MAGEC3: variants seen among roughly 807,000 people sequenced by gnomAD.
The protein encoded by MAGEC3 is MAGE family member C3, also known as melanoma-associated antigen C3.
A neutral mutation model predicts 35.3 loss-of-function variants in MAGEC3; 34 were observed. The observed-to-expected ratio is 0.96, with a 90% CI of 0.73 to 1.28. The LOEUF (loss-of-function observed/expected upper bound fraction) is 1.28. Ranked by LOEUF, MAGEC3 falls within the 50% of genes most tolerant of loss-of-function variation. The pLI is 0.00. For synonymous variants in MAGEC3, 202 were observed against 185.6 expected, an observed-to-expected ratio of 1.09 and a Z score of -0.72; for missense variants, 561 against 483.6, an observed-to-expected ratio of 1.16 and a Z score of -1.50.
rs1343733654 is a variant in MAGEC3 at position 141,881,399 on chromosome X, A to C, written c.516-4A>C. On this transcript the variant is annotated splice_polypyrimidine_tract_variant and splice_region_variant and intron_variant, in intron 3 of 7. Transcript: ENST00000298296. ...TAAGATGAAGATACAAGTACCTGGC[A>C]CAGCTTGCCAGAGAGCGAGCCCTTG... The C allele has an allele frequency of 1.1e-5, 13 of 1,188,382 alleles. No individual in the cohort carries two copies. Among genetic ancestry groups the C allele is most frequent in the African/African-American group, 1.8e-5 (1 of 56,208 alleles).
chrX:141,878,610 C>G (rs1301318974), intron 2 of MAGEC3, among the ~76,000 whole-genome samples: 2 of 112,035 alleles, frequency 1.8e-5, no homozygotes, highest in African/African-American at 6.5e-5. Context: ...AGTCTCACTT[C>G]AGATCATGAG....
chrX:141,877,795 T>G (rs1446745260), intron 2 of MAGEC3, among the ~76,000 whole-genome samples: 1 of 112,112 alleles, frequency 8.9e-6, no homozygotes, highest in Non-Finnish European at 1.9e-5. Context: ...ACTTTATGTT[T>G]AAATAATTTT....
intron 1 of MAGEC3, among the ~76,000 whole-genome samples, chrX:141,856,770 G>A (rs1429201047): frequency 8.9e-6 from 1 of 111,872 alleles, no homozygotes; most frequent in African/African-American, 3.2e-5. Flanking sequence ...GGATGAGCCT[G>A]GAGGACGTTA....
At chrX:141,854,632 C>T (rs1450687941) in intron 1 of MAGEC3, among the ~76,000 whole-genome samples, 1 of 111,373 alleles carries the variant, frequency 9.0e-6, no homozygotes, top group Non-Finnish European at 1.9e-5. Context: ...ACTTGCTCCT[C>T]CTTGCCTTCT....
intron 1 of MAGEC3, among the ~76,000 whole-genome samples, chrX:141,850,215 G>A (rs1244790796): frequency 4.5e-5 from 5 of 110,381 alleles, no homozygotes. Context: ...GAAACAGCAG[G>A]CTACTAGAGC....
At chrX:141,871,342 T>G (rs1339678695) in intron 2 of MAGEC3, among the ~76,000 whole-genome samples, 3 of 108,889 alleles carry the variant, frequency 2.8e-5, no homozygotes, top group African/African-American at 1.0e-4. Flanking sequence ...AGGGATTCCA[T>G]AAGGAAAACA....
At chrX:141,859,293 G>A (rs1281855435) in intron 1 of MAGEC3, among the ~76,000 whole-genome samples, 2 of 110,910 alleles carry the variant, frequency 1.8e-5, no homozygotes, top group East Asian at 5.7e-4. Context: ...TCCACCAAGC[G>A]CTGTCATTAC....
chrX:141,865,504 G>C lies in MAGEC3; in HGVS notation c.157G>C (p.Ala53Pro), dbSNP rs767455313. Residue 53 changes from alanine to proline, a missense_variant, in exon 2 of 8, where the codon GCC becomes CCC. Physicochemically the swap from Ala to Pro is conservative, Grantham distance 27. Coordinates refer to ENST00000298296, the MANE Select transcript of MAGEC3 (RefSeq NM_138702.1). ...AAAGGCCACAGATAAGGACTATTCT[G>C]CCTTTCATCTTGGGCATCTGAGGGA... ...RKKATDKDYS[A>P]FHLGHLREVR... The C allele has an allele frequency of 5.0e-6, 6 of 1,209,041 alleles. No homozygotes were observed. The East Asian group carries it at 8.9e-5, about 18-fold the overall frequency.
intron 1 of MAGEC3, among the ~76,000 whole-genome samples, chrX:141,864,521 G>A (rs756249709): frequency 1.8e-4 from 20 of 110,525 alleles, no homozygotes; most frequent in Non-Finnish European, 3.0e-4. Context: ...AACTAACGCA[G>A]GAACAGAAAA....
intron 1 of MAGEC3, among the ~76,000 whole-genome samples, chrX:141,848,774 C>T (rs1258305974): frequency 9.0e-6 from 1 of 111,126 alleles, no homozygotes; most frequent in African/African-American, 3.3e-5. Context: ...GTAGAAGAAA[C>T]TATTCTAAAA....
intron 1 of MAGEC3, among the ~76,000 whole-genome samples, chrX:141,863,855 C>T (rs1263795949): frequency 9.0e-6 from 1 of 111,578 alleles, no homozygotes; most frequent in African/African-American, 3.3e-5. Flanking sequence ...GAACTACTCT[C>T]ATTTATTGCT....
chrX:141,859,273 G>A (rs2124095029), intron 1 of MAGEC3, among the ~76,000 whole-genome samples: 1 of 110,622 alleles, frequency 9.0e-6, no homozygotes, highest in Admixed American at 9.6e-5. Flanking sequence ...GTTTCCTTTT[G>A]ATTTGTATTT....
chrX:141,878,736 CT>C (rs778885015), intron 2 of MAGEC3, among the ~76,000 whole-genome samples: 14 of 112,211 alleles, frequency 1.2e-4, no homozygotes, highest in Non-Finnish European at 2.3e-4. Context: ...GTTTTCACCC[CT>C]GGGAGGCCTT....
At chrX:141,894,723 A>G in intron 4 of MAGEC3, 2 of 970,396 alleles carry the variant, frequency 2.1e-6, no homozygotes, top group African/African-American at 4.0e-5. Context: ...AAGGATAGCT[A>G]TCTCCCAACA....
chrX:141,897,160 C>T lies in MAGEC3; in HGVS notation c.1402C>T (p.Leu468Phe). 1.7e-6 allele frequency: 2 copies of T among 1,211,912 alleles called. No homozygotes were observed. The highest frequency in any genetic ancestry group is 2.2e-6 in the Non-Finnish European group (2 of 895,570). The change falls in exon 7 of 8, where the codon CTC (leucine) becomes TTC (phenylalanine). Residue 468 changes from leucine to phenylalanine, a missense_variant. Physicochemically the swap from Leu to Phe is conservative, Grantham distance 22 (BLOSUM62 0). Coordinates refer to ENST00000298296, the MANE Select transcript of MAGEC3 (RefSeq NM_138702.1). ...GGTGGCTGAGTTGGTGCAGTTTCTT[C>T]TCCTCAAATATCAAACAAAAGAGCC... ...EKVAELVQFL[L>F]LKYQTKEPVT...
intron 1 of MAGEC3, among the ~76,000 whole-genome samples, chrX:141,858,937 A>G (rs1333985560): frequency 9.0e-6 from 1 of 111,002 alleles, no homozygotes; most frequent in Non-Finnish European, 1.9e-5. Context: ...TTCTCAGATT[A>G]GCCTAGCTTG....
At chrX:141,887,536 A>G (rs2018011770) in intron 4 of MAGEC3, among the ~76,000 whole-genome samples, 1 of 112,170 alleles carries the variant, frequency 8.9e-6, no homozygotes, top group Admixed American at 9.4e-5. Flanking sequence ...AGGCCCCTCC[A>G]AGAAAGAGGC....
At position 141,882,208 on chromosome X, in the gene MAGEC3, G is replaced by A. The variant is rs554479390; in HGVS notation, c.909+412G>A. Among the ~76,000 whole-genome samples, 9 of 111,778 alleles carry A rather than the reference G, an allele frequency of 8.1e-5. 1 individual carries two copies. The South Asian group carries it at 3.1e-3, about 38-fold the overall frequency. On this transcript the variant is annotated intron_variant, in intron 4 of 7. Transcript: ENST00000298296. ...GGCAGTCAGGGTCCTAGGTAGTGGA[G>A]GGCCCGGGTGGGGCTTGAGGGAACA...
Position 141,871,905 on chromosome X carries a change from G to A in MAGEC3, c.258+6300G>A, listed in dbSNP as rs138742581. 9.1e-5 allele frequency among the ~76,000 whole-genome samples: 10 copies of A among 109,319 alleles called. No homozygotes were observed. The East Asian group carries it at 2.9e-3, about 32-fold the overall frequency. The allele number at this position is 109,319 out of a possible 115,157, so 94.9% of individuals were successfully genotyped here. ...GGGGCTAAAGGCTTGGGGACAGGAG[G>A]GGCTGCTGGGGCAGAGGGTTCACAC... On this transcript the variant is annotated intron_variant, in intron 2 of 7. Transcript: ENST00000298296.
Sources: allele counts gnomAD v4.1 joint callset (sites outside exome capture counted in the v4.1 genomes callset), GRCh38; gene constraint gnomAD v4.1.1; transcripts MANE v1.5; gene names NCBI Gene and HGNC (gene_info 2026-07-23, HGNC 2026-07-21).